Variants in CASTOR1 observed in about 807,000 individuals in gnomAD.
CASTOR1 encodes cytosolic arginine sensor for mTORC1 subunit 1, also known as GATS protein like 3.
In CASTOR1, 18 loss-of-function variants were observed where a neutral mutation model predicts 33.7. That is an observed-to-expected ratio of 0.53 (90% CI 0.37 to 0.79). The LOEUF (loss-of-function observed/expected upper bound fraction) is 0.79, where lower values mean the gene tolerates loss of function less well. Ranked by LOEUF, CASTOR1 falls within the 30% of genes least tolerant of loss-of-function variation. The pLI is 0.00. For missense variants in CASTOR1, 362 were observed against 446.3 expected, an observed-to-expected ratio of 0.81 and a Z score of 1.70; for synonymous variants, 175 against 190.6, an observed-to-expected ratio of 0.92 and a Z score of 0.67.
Position 30,286,796 on chromosome 22 carries a change from G to A in CASTOR1, c.629+29C>T, listed in dbSNP as rs1054596485. Reference sequence around the variant, plus strand: ...GACAGAGTGTAGGGAACAGTGCTGTGAGGACAAAGACGAAGTTCCAAGGTC... The same window carrying A: ...GACAGAGTGTAGGGAACAGTGCTGTAAGGACAAAGACGAAGTTCCAAGGTC... On this transcript the variant is annotated intron_variant, in intron 5 of 8. Coordinates refer to ENST00000407689, the MANE Select transcript of CASTOR1 (RefSeq NM_001037666.3). 3 of 1,613,582 alleles carry A rather than the reference G, an allele frequency of 1.9e-6. No individual in the cohort carries two copies. The African/African-American group carries it at 4.0e-5, about 22-fold the overall frequency.
intron 1 of CASTOR1, chr22:30,289,043 G>A (rs966547129): frequency 7.2e-6 from 4 of 557,408 alleles, no homozygotes; most frequent in Non-Finnish European, 9.5e-6. Context: ...AGCCCCAGGG[G>A]CGTCGGACCT....
chr22:30,285,559 G>C lies in CASTOR1; in HGVS notation c.*61C>G. 1.6e-6 allele frequency: 2 copies of C among 1,288,588 alleles called. No individual in the cohort carries two copies. The highest frequency in any genetic ancestry group is 2.2e-6 in the Non-Finnish European group (2 of 915,754). 79.8% of individuals were successfully genotyped at this position (1,288,588 alleles called of 1,614,324 possible). On this transcript the variant is annotated 3_prime_UTR_variant, in exon 9 of 9. Transcript: ENST00000407689. ...CCAGAGCTTAAGGAAATAGCTTAGA[G>C]AAGTCTTTGGAAGCCTGGGTCGAGG...
intron 2 of CASTOR1, 100 bp downstream of exon 2, chr22:30,288,606 C>T: frequency 9.7e-7 from 1 of 1,032,372 alleles, no homozygotes; most frequent in Non-Finnish European, 1.5e-6. Flanking sequence ...GCTTTTAAGG[C>T]TTAAGCTCTT....
Position 30,286,329 on chromosome 22 carries a change from G to T in CASTOR1, c.677C>A (p.Thr226Lys). 1.2e-6 allele frequency: 2 copies of T among 1,614,128 alleles called. No individual in the cohort carries two copies. The highest frequency in any genetic ancestry group is 1.7e-6 in the Non-Finnish European group (2 of 1,180,000). ...ASSSPEPSSI[T>K]FFAFSLIEGY... ...CTCGATGAGGGAGAAGGCAAAGAAC[G>T]TGATGGAGCTGGGTTCAGGACTGCT... Residue 226 changes from threonine to lysine, a missense_variant, in exon 6 of 9, where the codon ACG becomes AAG. Transcript: ENST00000407689.
Position 30,287,616 on chromosome 22 carries a change from C to A in CASTOR1, c.185-56G>T, listed in dbSNP as rs893574631. ...CTACAAGGCTGGCCCCTGCCCCTCT[C>A]TGAGCCTCAGTTTCCCTTTCTGTGC... is the stretch of plus-strand genomic sequence containing the variant. On this transcript the variant is annotated intron_variant, in intron 2 of 8. Transcript: ENST00000407689. 6 of 1,492,138 alleles carry A rather than the reference C, an allele frequency of 4.0e-6. No individual in the cohort carries two copies. In the East Asian group the frequency reaches 1.4e-4, roughly 36 times the overall value. 92.4% of individuals were successfully genotyped at this position (1,492,138 alleles called of 1,614,324 possible).
intron 5 of CASTOR1, 102 bp downstream of exon 5, chr22:30,286,723 G>C (rs775513360): frequency 6.9e-7 from 1 of 1,441,718 alleles, no homozygotes. Flanking sequence ...AACCCCAAGA[G>C]AGGACAAGCA....
chr22:30,287,064 G>T, intron 4 of CASTOR1, 91 bp downstream of exon 4: 2 of 1,550,588 alleles, frequency 1.3e-6, no homozygotes, highest in Non-Finnish European at 1.7e-6. Flanking sequence ...ACTGGCCGGG[G>T]TCCTCCTGCC....
Position 30,285,504 on chromosome 22 carries a change from G to A in CASTOR1, c.*116C>T, listed in dbSNP as rs1405206851. The A allele has an allele frequency of 1.3e-5, 11 of 817,166 alleles. No individual in the cohort carries two copies. Among genetic ancestry groups the A allele is most frequent in the African/African-American group, 3.5e-5 (2 of 56,636 alleles). 50.6% of individuals were successfully genotyped at this position (817,166 alleles called of 1,614,324 possible). A position where few individuals can be genotyped will look rare whatever the true frequency, so the allele number is the denominator to read the frequency against. On this transcript the variant is annotated 3_prime_UTR_variant, in exon 9 of 9. Transcript: ENST00000407689. ...GCAGCTTACATACAGAGAGCGGAACGAGGGTCCCCAGCAGAACAGGGGGCT... is the reference window on the plus strand; with the variant it reads ...GCAGCTTACATACAGAGAGCGGAACAAGGGTCCCCAGCAGAACAGGGGGCT...
chr22:30,289,473 G>A lies in CASTOR1; in HGVS notation c.25C>T (p.Arg9Trp), dbSNP rs976479578. The A allele has an allele frequency of 1.9e-6, 3 of 1,597,132 alleles. No homozygotes were observed. Among genetic ancestry groups the A allele is most frequent in the Non-Finnish European group, 2.6e-6 (3 of 1,176,020 alleles). The change falls in exon 1 of 9, where the codon CGG (arginine) becomes TGG (tryptophan). Residue 9 changes from arginine to tryptophan, a missense_variant. Physicochemically the swap from Arg to Trp is moderately radical, Grantham distance 101. Coordinates refer to ENST00000407689, the MANE Select transcript of CASTOR1 (RefSeq NM_001037666.3). ...CGGGCGACGCTCAGCACCCGCACCC[G>A]GTGTTCTAGGATGTGCAGCTCCATC... MELHILEH[R>W]VRVLSVARPG...
chr22:30,286,926 G>A lies in CASTOR1; in HGVS notation c.528C>T (p.Pro176=). The A allele has an allele frequency of 1.9e-6, 3 of 1,613,700 alleles. No individual in the cohort carries two copies. The highest frequency in any genetic ancestry group is 2.5e-6 in the Non-Finnish European group (3 of 1,179,694). Residue 176 remains proline, a synonymous_variant, in exon 5 of 9, where the codon CCC becomes CCT. Coordinates refer to ENST00000407689, the MANE Select transcript of CASTOR1 (RefSeq NM_001037666.3). ...AGAAGCGGTTCTGTGGGCTCTGGAT[G>A]GGATGCACCGTGGGGCTGGGCCCTG... ...TQHGPSPTVH[P]IQSPQNRFCV... is the part of the protein sequence containing the mutation.
Position 30,286,272 on chromosome 22 carries a change from G to A in CASTOR1, c.734C>T (p.Thr245Ile), listed in dbSNP as rs1194487545. 2.5e-6 allele frequency: 4 copies of A among 1,612,396 alleles called. No homozygotes were observed. The highest frequency in any genetic ancestry group is 3.4e-6 in the Non-Finnish European group (4 of 1,178,560). ...GYISIVMDAE[T>I]QKKFPSDLLL... ...GTCAGGGGTCACCTACTTTTTCTGT[G>A]TTTCAGCATCCATGACAATGGAGAT... is the stretch of plus-strand genomic sequence containing the variant. Residue 245 changes from threonine (T) to isoleucine (I), a missense_variant, in exon 6 of 9, where the codon ACA becomes ATA. Transcript: ENST00000407689.
chr22:30,285,988 GCCC>G (rs765442258), intron 7 of CASTOR1, 25 bp downstream of exon 7: 1 of 1,582,926 alleles, frequency 6.3e-7, no homozygotes, highest in Admixed American at 1.8e-5. Context: ...ACACTCCCCA[GCCC>G]CCCAACACCG....
At chr22:30,287,759 C>T in intron 2 of CASTOR1, 199 bp from the exon 3 acceptor site, 1 of 705,606 alleles carries the variant, frequency 1.4e-6, no homozygotes, top group Non-Finnish European at 2.6e-6. Context: ...AAACTTCCCA[C>T]TTAAGATCAG....
rs763952194 is a variant in CASTOR1, at chr22:30,289,505, C to A, written c.-8G>T. 1 of 1,543,158 alleles carries A rather than the reference C, an allele frequency of 6.5e-7. No homozygotes were observed. The highest frequency in any genetic ancestry group is 8.7e-7 in the Non-Finnish European group (1 of 1,151,702). ...TAGGATGTGCAGCTCCATCGCGGCT[C>A]GCGCGGACCCGACCCCGCCGCCAAC... On this transcript the variant is annotated 5_prime_UTR_variant, in exon 1 of 9. Coordinates refer to ENST00000407689, the MANE Select transcript of CASTOR1 (RefSeq NM_001037666.3).
intron 1 of CASTOR1, chr22:30,289,144 A>G: frequency 1.7e-6 from 1 of 571,700 alleles, no homozygotes; most frequent in Non-Finnish European, 3.1e-6. Context: ...CCCATTTGAC[A>G]CTACTGAGTT....
intron 2 of CASTOR1, chr22:30,287,999 C>T (rs1277900842): frequency 7.2e-6 from 3 of 414,984 alleles, no homozygotes; most frequent in African/African-American, 6.2e-5. Flanking sequence ...TTTGCAGACC[C>T]AGACTTCTGA....
intron 2 of CASTOR1, among the ~76,000 whole-genome samples, chr22:30,288,165 G>A (rs1929832179): frequency 6.6e-6 from 1 of 152,372 alleles, no homozygotes; most frequent in African/African-American, 2.4e-5. Flanking sequence ...GGCCCAGGCT[G>A]GCGTCCAGTC....
intron 3 of CASTOR1, 27 bp from the exon 4 acceptor site, chr22:30,287,314 A>G: frequency 1.3e-6 from 2 of 1,577,194 alleles, no homozygotes; most frequent in South Asian, 1.2e-5. Context: ...GGCACATCAC[A>G]TGGGCTCCCA....
intron 3 of CASTOR1, 26 bp from the exon 4 acceptor site, chr22:30,287,313 CAT>C: frequency 1.3e-6 from 2 of 1,576,774 alleles, no homozygotes; most frequent in Non-Finnish European, 1.7e-6. Context: ...TGGCACATCA[CAT>C]GGGCTCCCAG....
Sources: gnomAD v4.1 joint callset for allele counts (sites outside exome capture counted in the v4.1 genomes callset) on GRCh38, gnomAD v4.1.1 for gene constraint, MANE v1.5 for transcripts, NCBI Gene and HGNC (gene_info 2026-07-23, HGNC 2026-07-21) for gene names.